Variants in KIAA1671 observed in about 807,000 individuals in gnomAD.
KIAA1671 encodes uncharacterized protein KIAA1671.
In KIAA1671, 52 loss-of-function variants were observed where a neutral mutation model predicts 131.2. The observed-to-expected ratio is 0.40, with a 90% CI of 0.32 to 0.50. KIAA1671 has a LOEUF of 0.50. KIAA1671 is among the 20% of genes least tolerant of loss of function. The pLI, the probability that KIAA1671 is intolerant of heterozygous loss-of-function variation, is 0.73. For missense variants in KIAA1671, 2,360 were observed against 2,364.2 expected (o/e 1.00, Z 0.04); for synonymous variants, 1,003 against 961.6 (o/e 1.04, Z -0.80).
At chr22:25,079,925 G>C (rs112987692) in intron 6 of KIAA1671, among the ~76,000 whole-genome samples, 5 of 152,252 alleles carry the variant, frequency 3.3e-5, no homozygotes, top group African/African-American at 1.2e-4. Context: ...CAGTGGTCCA[G>C]GTGGGAGATG....
At chr22:25,143,425 T>A (rs1272247115) in intron 6 of KIAA1671, among the ~76,000 whole-genome samples, 1 of 152,250 alleles carries the variant, frequency 6.6e-6, no homozygotes, top group Admixed American at 6.5e-5. Flanking sequence ...GATGTTAACA[T>A]GTCCAAATGT....
chr22:25,004,092 C>T (rs1333533985), intron 1 of KIAA1671, among the ~76,000 whole-genome samples: 1 of 151,840 alleles, frequency 6.6e-6, no homozygotes, highest in Non-Finnish European at 1.5e-5. Context: ...GCTGGGAATA[C>T]AGGCGTGAGC....
intron 3 of KIAA1671, among the ~76,000 whole-genome samples, chr22:25,029,919 C>G (rs1051928312): frequency 3.9e-5 from 6 of 152,164 alleles, no homozygotes; most frequent in African/African-American, 1.4e-4. Context: ...GCCTTTCTTC[C>G]CTGAAGTCAG....
chr22:25,047,467 C>CTTTTTT, intron 5 of KIAA1671, among the ~76,000 whole-genome samples: 1 of 120,470 alleles, frequency 8.3e-6, no homozygotes. Flanking sequence ...GCCTCTTTTC[C>CTTTTTT]TTTTTTTTTT....
intron 4 of KIAA1671, among the ~76,000 whole-genome samples, chr22:25,034,048 GTT>G (rs35842433): frequency 2.3e-5 from 3 of 130,822 alleles, no homozygotes; most frequent in Non-Finnish European, 5.0e-5. Flanking sequence ...ATGCCACTTT[GTT>G]TTTTTTTTTT....
intron 6 of KIAA1671, among the ~76,000 whole-genome samples, chr22:25,146,552 A>G (rs984814): frequency 0.48 from 72,576 of 152,000 alleles, 18,643 homozygotes; most frequent in African/African-American, 0.68. Flanking sequence ...GCAAGGAAAG[A>G]AACTTAGGAA....
intron 6 of KIAA1671, among the ~76,000 whole-genome samples, chr22:25,140,787 G>C (rs1166259380): frequency 6.6e-6 from 1 of 152,234 alleles, no homozygotes; most frequent in African/African-American, 2.4e-5. Flanking sequence ...ATCCGTAGGA[G>C]GTTCTTGAGC....
At chr22:25,026,809 C>T (rs921390987) in intron 2 of KIAA1671, among the ~76,000 whole-genome samples, 4 of 152,030 alleles carry the variant, frequency 2.6e-5, no homozygotes, top group Non-Finnish European at 4.4e-5. Context: ...GCAAGTCTGG[C>T]GACCTCTCTG....
intron 9 of KIAA1671, chr22:25,179,376 A>T: frequency 1.2e-6 from 2 of 1,606,160 alleles, no homozygotes; most frequent in Non-Finnish European, 1.7e-6. Flanking sequence ...CTCCTCGCGC[A>T]GCCGCTCGCG....
At chr22:24,999,024 A>T (rs566319684) in intron 1 of KIAA1671, among the ~76,000 whole-genome samples, 2 of 152,124 alleles carry the variant, frequency 1.3e-5, no homozygotes, top group Admixed American at 6.6e-5. Flanking sequence ...CTGAGTAGAT[A>T]CCTAGGAGTG....
intron 1 of KIAA1671, among the ~76,000 whole-genome samples, chr22:24,994,099 A>T (rs1397023943): frequency 6.6e-6 from 1 of 152,134 alleles, no homozygotes; most frequent in African/African-American, 2.4e-5. Context: ...GAAAAAAAAA[A>T]ATTCAGCAAG....
At chr22:24,961,439 A>T (rs754438838) in intron 1 of KIAA1671, among the ~76,000 whole-genome samples, 2 of 152,206 alleles carry the variant, frequency 1.3e-5, no homozygotes, top group South Asian at 4.1e-4. Context: ...CATCTCCTAC[A>T]TCGCAGTGGC....
rs535186784 is a variant in KIAA1671, at chr22:25,091,527, C to T, written c.4530+42163C>T. On this transcript the variant is annotated intron_variant, in intron 6 of 12. Transcript: ENST00000358431. ...GGGAATCTGGTATTTTGCATTTTTC[C>T]TCTCCAAGCCAAATGAGAATGCCTA... Among the ~76,000 whole-genome samples the T allele has an allele frequency of 5.3e-5, 8 of 152,250 alleles. No homozygotes were observed. In the East Asian group the frequency reaches 1.2e-3, roughly 22 times the overall value.
intron 1 of KIAA1671, among the ~76,000 whole-genome samples, chr22:24,979,346 A>ATTTTTTTT (rs199628002): frequency 7.7e-6 from 1 of 130,620 alleles, no homozygotes; most frequent in Non-Finnish European, 1.6e-5. Flanking sequence ...TTATTTATTT[A>ATTTTTTTT]TTTATTTATT....
intron 6 of KIAA1671, among the ~76,000 whole-genome samples, chr22:25,103,365 C>T (rs1336844829): frequency 3.3e-5 from 5 of 151,792 alleles, no homozygotes; most frequent in Non-Finnish European, 7.4e-5. Context: ...CACGCACCAC[C>T]GCACCCGGCT....
chr22:25,075,419 T>A (rs1427158339), intron 6 of KIAA1671, among the ~76,000 whole-genome samples: 1 of 152,146 alleles, frequency 6.6e-6, no homozygotes, highest in Non-Finnish European at 1.5e-5. Flanking sequence ...TAGTTCAGGG[T>A]CCCACATTGT....
In KIAA1671 at chr22:25,038,978, G is replaced by T; in HGVS notation, c.1848G>T (p.Glu616Asp). ...AGACTGTGTGGGCCACAGTATTTGA[G>T]CACCACGTGGAGAGACACACAGTGG... ...SFQTVWATVF[E>D]HHVERHTVAD... The change falls in exon 5 of 13, where the codon GAG becomes GAT. Residue 616 changes from glutamate to aspartate, a missense_variant. Coordinates refer to ENST00000358431, the MANE Select transcript of KIAA1671 (RefSeq NM_001145206.2). The T allele has an allele frequency of 6.4e-7, 1 of 1,551,734 alleles. No homozygotes were observed. The highest frequency in any genetic ancestry group is 8.7e-7 in the Non-Finnish European group (1 of 1,147,030).
At chr22:25,139,627 G>C (rs552941950) in intron 6 of KIAA1671, among the ~76,000 whole-genome samples, 77 of 152,338 alleles carry the variant, frequency 5.1e-4, no homozygotes, top group Non-Finnish European at 8.4e-4. Flanking sequence ...GTTGGGAAGA[G>C]AGGCTATAAA....
At chr22:25,095,134 A>T (rs570790666) in intron 6 of KIAA1671, among the ~76,000 whole-genome samples, 1 of 152,182 alleles carries the variant, frequency 6.6e-6, no homozygotes, top group Non-Finnish European at 1.5e-5. Context: ...TAGCTGAGTG[A>T]CCTTGAGCAC....
Sources: gnomAD v4.1 joint callset for allele counts (sites outside exome capture counted in the v4.1 genomes callset) on GRCh38, gnomAD v4.1.1 for gene constraint, MANE v1.5 for transcripts, NCBI Gene and HGNC (gene_info 2026-07-23, HGNC 2026-07-21) for gene names.